The following PCDHGA8 variants were observed in gnomAD, a reference collection of about 807,000 sequenced individuals.
PCDHGA8 encodes protocadherin gamma-A8.
In PCDHGA8, 45 loss-of-function variants were observed where a neutral mutation model predicts 59.2. The ratio of observed to expected loss-of-function variants is 0.76; its 90% CI spans 0.60 to 0.98. The LOEUF is 0.98. PCDHGA8 is among the 50% of genes least tolerant of loss of function. PCDHGA8 has a pLI of 0.00. For missense variants in PCDHGA8, 1,257 were observed against 1,196.2 expected, an observed-to-expected ratio of 1.05 and a Z score of -0.75; for synonymous variants, 531 against 519.0, an observed-to-expected ratio of 1.02 and a Z score of -0.32.
chr5:141,401,125 C>T (rs2094118410), intron 1 of PCDHGA8, among the ~76,000 whole-genome samples: 1 of 152,200 alleles, frequency 6.6e-6, no homozygotes, highest in South Asian at 2.1e-4. Context: ...GGTTGGATCA[C>T]ATGGTCAGGA....
chr5:141,395,538 TTGTTTGTG>T (rs2093252084), intron 1 of PCDHGA8: 3 of 225,786 alleles, frequency 1.3e-5, no homozygotes, highest in South Asian at 6.0e-5. Flanking sequence ...AATTTTGCTA[TTGTTTGTG>T]TGTGTGTGTG....
chr5:141,413,574 T>C (rs773380895), intron 1 of PCDHGA8: 12 of 1,613,714 alleles, frequency 7.4e-6, no homozygotes, highest in Admixed American at 1.7e-5. Flanking sequence ...TCAATGACAA[T>C]GCTCCAAAAT....
intron 2 of PCDHGA8, among the ~76,000 whole-genome samples, chr5:141,497,894 A>AG (rs1562181617): frequency 2.0e-5 from 3 of 152,186 alleles, no homozygotes; most frequent in Admixed American, 6.5e-5. Context: ...GATCTAGTCC[A>AG]GTAACTTCAA....
chr5:141,505,363 T>A, intron 2 of PCDHGA8, 30 bp from the exon 3 acceptor site: 1 of 1,613,360 alleles, frequency 6.2e-7, no homozygotes, highest in Non-Finnish European at 8.5e-7. Context: ...GGCCTGGGAG[T>A]CTGTGCTCAC....
intron 1 of PCDHGA8, chr5:141,424,767 A>T (rs139479155): frequency 2.9e-4 from 44 of 152,290 alleles, no homozygotes; most frequent in African/African-American, 1.0e-3. Flanking sequence ...TTCTTATGGC[A>T]AATAGTACAT....
Position 141,487,687 on chromosome 5 carries a change from A to G in PCDHGA8, c.2425-7120A>G, listed in dbSNP as rs750431854. ...CAGGCATATGGCTAGGCCATGTCCTAGAGAGTACTGGCCTCTCAGTAAGTG... is the reference window on the plus strand; with the variant it reads ...CAGGCATATGGCTAGGCCATGTCCTGGAGAGTACTGGCCTCTCAGTAAGTG... On this transcript the variant is annotated intron_variant, in intron 1 of 3. Transcript: ENST00000398604. This position sits in a 1 kb window ranked among gnomAD's most constrained non-coding sequence, Gnocchi z 5.0. The G allele has an allele frequency of 1.9e-6, 3 of 1,606,256 alleles. No individual in the cohort carries two copies. The highest frequency in any genetic ancestry group is 3.4e-5 in the Admixed American group (2 of 58,832).
chr5:141,454,880 T>C (rs1561957456), intron 1 of PCDHGA8, among the ~76,000 whole-genome samples: 1 of 137,862 alleles, frequency 7.3e-6, no homozygotes, highest in Non-Finnish European at 1.5e-5. Flanking sequence ...CGATCTTGGC[T>C]CACTGCTAGC....
intron 1 of PCDHGA8, among the ~76,000 whole-genome samples, chr5:141,436,531 G>A (rs1365651055): frequency 2.6e-5 from 4 of 152,152 alleles, no homozygotes; most frequent in South Asian, 2.1e-4. Flanking sequence ...CCTTTAGCAA[G>A]TTATTTAATC....
chr5:141,506,266 T>A (rs1397052417), intron 3 of PCDHGA8, among the ~76,000 whole-genome samples: 1 of 151,862 alleles, frequency 6.6e-6, no homozygotes, highest in Non-Finnish European at 1.5e-5. Context: ...CTGGCCAACA[T>A]AGTGAAACCC....
At chr5:141,450,832 T>TTA (rs764784095) in intron 1 of PCDHGA8, among the ~76,000 whole-genome samples, 6,304 of 142,274 alleles carry the variant, frequency 0.044, 222 homozygotes, top group African/African-American at 0.11. Context: ...TATTATTATT[T>TTA]TTTTTTTTTT....
Position 141,394,736 on chromosome 5 carries a change from C to A in PCDHGA8, c.1923C>A (p.Ser641Arg). The part of the protein sequence containing the change: ...ALLDRDALKQ[S>R]LVVAVQDHGQ... ...TGGACAGAGATGCGCTCAAGCAGAG[C>A]CTCGTGGTGGCCGTCCAGGACCATG... Residue 641 changes from serine to arginine, a missense_variant, in exon 1 of 4, where the codon AGC (serine) becomes AGA (arginine). By Grantham distance (110) the Ser-to-Arg change is moderately radical (BLOSUM62 -1). Coordinates refer to ENST00000398604, the MANE Select transcript of PCDHGA8 (RefSeq NM_032088.2). The A allele has an allele frequency of 6.2e-7, 1 of 1,613,456 alleles. No homozygotes were observed. The highest frequency in any genetic ancestry group is 8.5e-7 in the Non-Finnish European group (1 of 1,179,990).
intron 1 of PCDHGA8, among the ~76,000 whole-genome samples, chr5:141,397,112 A>G (rs2093474994): frequency 6.6e-6 from 1 of 152,258 alleles, no homozygotes; most frequent in African/African-American, 2.4e-5. Flanking sequence ...GCAATCCACT[A>G]GAATATCCCT....
In PCDHGA8 at chr5:141,476,089, C is replaced by A; in HGVS notation, c.2425-18718C>A. 1 of 1,560,716 alleles carries A rather than the reference C, an allele frequency of 6.4e-7. No individual in the cohort carries two copies. The highest frequency in any genetic ancestry group is 8.6e-7 in the Non-Finnish European group (1 of 1,158,372). On this transcript the variant is annotated intron_variant, in intron 1 of 3. Coordinates refer to ENST00000398604, the MANE Select transcript of PCDHGA8 (RefSeq NM_032088.2). This position sits in a 1 kb window ranked among gnomAD's most constrained non-coding sequence, Gnocchi z 7.6. ...CGAAATCTCAGGGACGATCTGGACC[C>A]CGCTGAGAGGAACTGCTTTTGAGTG...
At chr5:141,418,381 T>C in intron 1 of PCDHGA8, 3 of 1,613,998 alleles carry the variant, frequency 1.9e-6, no homozygotes, top group Non-Finnish European at 2.5e-6. Flanking sequence ...AACTAAGTCC[T>C]AACGAGTATT....
chr5:141,398,135 G>C, intron 1 of PCDHGA8: 1 of 1,556,792 alleles, frequency 6.4e-7, no homozygotes, highest in Non-Finnish European at 8.6e-7. Context: ...GGGATGGGGA[G>C]CGGCGCCGGG....
chr5:141,486,555 A>T lies in PCDHGA8; in HGVS notation c.2425-8252A>T, dbSNP rs746001345. The T allele has an allele frequency of 6.2e-6, 10 of 1,614,078 alleles. No individual in the cohort carries two copies. Among genetic ancestry groups the T allele is most frequent in the Non-Finnish European group, 7.6e-6 (9 of 1,180,022 alleles). ...CCCTCTTTCTTTCAGAGGTCACATGAGGTGTTTGTTCCTGAGAACAATCGC... is the reference window on the plus strand; with the variant it reads ...CCCTCTTTCTTTCAGAGGTCACATGTGGTGTTTGTTCCTGAGAACAATCGC... On this transcript the variant is annotated intron_variant, in intron 1 of 3. Transcript: ENST00000398604. This position sits in a 1 kb window ranked among gnomAD's most constrained non-coding sequence, Gnocchi z 5.0.
chr5:141,507,781 C>A (rs2099863256), intron 3 of PCDHGA8, among the ~76,000 whole-genome samples: 1 of 152,214 alleles, frequency 6.6e-6, no homozygotes, highest in South Asian at 2.1e-4. Flanking sequence ...CAGGGCCTGA[C>A]CCTCGTCTAA....
chr5:141,486,361 C>T lies in PCDHGA8; in HGVS notation c.2425-8446C>T. 1.2e-6 allele frequency: 2 copies of T among 1,614,086 alleles called. No individual in the cohort carries two copies. The highest frequency in any genetic ancestry group is 1.7e-6 in the Non-Finnish European group (2 of 1,179,994). On this transcript the variant is annotated intron_variant, in intron 1 of 3. Coordinates refer to ENST00000398604, the MANE Select transcript of PCDHGA8 (RefSeq NM_032088.2). This position sits in a 1 kb window ranked among gnomAD's most constrained non-coding sequence, Gnocchi z 5.0. ...GCATTCCTGACCACTTGCCATTTGCCCTCAAGTCTGCCTTCAGGAACCAGT... is the reference window on the plus strand; with the variant it reads ...GCATTCCTGACCACTTGCCATTTGCTCTCAAGTCTGCCTTCAGGAACCAGT...
intron 1 of PCDHGA8, chr5:141,441,662 C>T: frequency 3.8e-6 from 1 of 260,740 alleles, no homozygotes; most frequent in Non-Finnish European, 7.7e-6. Flanking sequence ...TGTCCTTGAG[C>T]GCACAGTGCG....
Sources: gnomAD v4.1 joint callset for allele counts (sites outside exome capture counted in the v4.1 genomes callset) on GRCh38, gnomAD v4.1.1 for gene constraint, Gnocchi (gnomAD v3.1) non-coding constraint, MANE v1.5 for transcripts, NCBI Gene and HGNC (gene_info 2026-07-23, HGNC 2026-07-21) for gene names.